Variants in KARS1 observed in about 807,000 individuals in gnomAD.
KARS1 encodes the protein lysyl-tRNA synthetase 1.
KARS1 carries 50 observed loss-of-function variants against 63.9 expected under a neutral mutation model. The ratio of observed to expected loss-of-function variants is 0.78; its 90% CI spans 0.62 to 0.99. The LOEUF is 0.99. KARS1 is among the 50% of genes least tolerant of loss of function. The pLI, the probability that KARS1 is intolerant of heterozygous loss-of-function variation, is 0.00. For synonymous variants in KARS1, 320 were observed against 264.6 expected (o/e 1.21, Z -2.03); for missense variants, 816 against 754.5 (o/e 1.08, Z -0.95).
At chr16:75,638,483 G>A (rs1056810468) in intron 3 of KARS1, among the ~76,000 whole-genome samples, 5 of 151,760 alleles carry the variant, frequency 3.3e-5, no homozygotes, top group East Asian at 1.9e-4. Flanking sequence ...AGTACGTGCC[G>A]TGAAAAGCAA....
chr16:75,644,276 C>T, intron 1 of KARS1: 4 of 1,593,072 alleles, frequency 2.5e-6, no homozygotes, highest in Non-Finnish European at 3.4e-6. Flanking sequence ...AGGTAATGGG[C>T]ACCAACCTTC....
chr16:75,630,610 C>CCTG, intron 10 of KARS1, 102 bp from the exon 11 acceptor site: 1 of 603,714 alleles, frequency 1.7e-6, no homozygotes, highest in South Asian at 1.9e-5. Context: ...TGGGTTTATC[C>CCTG]TATAGCTTTT....
intron 1 of KARS1, among the ~76,000 whole-genome samples, chr16:75,643,379 CTTTTT>C (rs764979861): frequency 7.1e-6 from 1 of 141,002 alleles, no homozygotes; most frequent in Admixed American, 7.1e-5. Context: ...AATCTTTCAC[CTTTTT>C]TTTTTTTTTT....
chr16:75,634,065 G>A (rs1216249730), intron 7 of KARS1, 108 bp downstream of exon 7: 1 of 1,221,130 alleles, frequency 8.2e-7, no homozygotes, highest in African/African-American at 1.5e-5. Context: ...ACACTTTCTT[G>A]GCTGCTTTAC....
intron 1 of KARS1, among the ~76,000 whole-genome samples, chr16:75,645,611 T>C (rs1041585723): frequency 6.6e-6 from 1 of 151,862 alleles, no homozygotes. Context: ...CTTTGTGGGG[T>C]TGAGGCGGAC....
At chr16:75,635,174 A>C (rs952593661) in intron 6 of KARS1, 1 of 176,528 alleles carries the variant, frequency 5.7e-6, no homozygotes, top group African/African-American at 2.4e-5. Flanking sequence ...CAAAAATAAA[A>C]CTCCTCCAAA....
In KARS1 at chr16:75,644,325, A is replaced by T. The variant is rs2082257029; in HGVS notation, c.63-2602T>A. On this transcript the variant is annotated intron_variant, in intron 1 of 13. Transcript: ENST00000302445. ...TGACTTGTCCTTGTGAGGCGCTGTG[A>T]AAGGAGCAAGTTGACCCAGTCGCAG... is the stretch of plus-strand genomic sequence containing the variant. 1 of 1,608,770 alleles carries T rather than the reference A, an allele frequency of 6.2e-7. No homozygotes were observed. Among genetic ancestry groups the T allele is most frequent in the Middle Eastern group, 1.7e-4 (1 of 6,058 alleles).
At position 75,633,893 on chromosome 16, in the gene KARS1, C is replaced by T. The variant is rs2289063; in HGVS notation, c.915+280G>A. 0.14 allele frequency: 55,554 copies of T among 397,978 alleles called. 9,165 individuals are homozygous for T. Among genetic ancestry groups the T allele is most frequent in the East Asian group, 0.73 (12,165 of 16,634 alleles). 24.7% of individuals were successfully genotyped at this position (397,978 alleles called of 1,614,324 possible). A position where few individuals can be genotyped will look rare whatever the true frequency, so the allele number is the denominator to read the frequency against. ...AAAGACTTAAATCAGATCTAATCCA[C>T]GTAAGACTTTATCTTAAAAGTTTTA... On this transcript the variant is annotated intron_variant, in intron 7 of 13. Transcript: ENST00000302445.
At position 75,631,111 on chromosome 16, in the gene KARS1, A is replaced by G. The variant is rs548817586; in HGVS notation, c.1338+57T>C. On this transcript the variant is annotated intron_variant, in intron 10 of 13. Transcript: ENST00000302445. ...CCAGTGGGGTTCATTTTCCCAGGGA[A>G]GAGGGAACCATTCAGCACCAGATGA... is the stretch of plus-strand genomic sequence containing the variant. 38 of 1,382,222 alleles carry G rather than the reference A, an allele frequency of 2.7e-5. 1 individual carries two copies. In the Admixed American group the frequency reaches 5.1e-4, roughly 18 times the overall value. 85.6% of individuals were successfully genotyped at this position (1,382,222 alleles called of 1,614,324 possible).
rs191517410 is a variant in KARS1 at position 75,628,406 on chromosome 16, T to C, written c.1695+163A>G. The stretch of plus-strand genomic sequence containing the variant: ...AGGAAAAAACCCAAATCCTTTAAGG[T>C]CAGAGGCTCTGGCCCTCCTGTGAGT... On this transcript the variant is annotated intron_variant, in intron 13 of 13. Transcript: ENST00000302445. Among the ~76,000 whole-genome samples, 17 of 152,288 alleles carry C rather than the reference T, an allele frequency of 1.1e-4. No individual in the cohort carries two copies. In the East Asian group the frequency reaches 3.1e-3, roughly 28 times the overall value.
intron 1 of KARS1, chr16:75,644,157 G>C: frequency 2.7e-6 from 2 of 730,900 alleles, no homozygotes; most frequent in South Asian, 1.9e-5. Flanking sequence ...TATTGGTTTT[G>C]GTATTAGGGC....
chr16:75,629,817 A>C lies in KARS1; in HGVS notation c.1425-276T>G, dbSNP rs369148654. Reference sequence around the variant, plus strand: ...TTCGCCATATTGGCCAGGTTGGTCTAACGATCAAACATCTAATACAATAAT... The same window carrying C: ...TTCGCCATATTGGCCAGGTTGGTCTCACGATCAAACATCTAATACAATAAT... On this transcript the variant is annotated intron_variant, in intron 11 of 13. Transcript: ENST00000302445. Among the ~76,000 whole-genome samples the C allele has an allele frequency of 4.6e-5, 7 of 152,296 alleles. No individual in the cohort carries two copies. The East Asian group carries it at 5.8e-4, about 13-fold the overall frequency.
At chr16:75,631,938 A>C (rs2082119824) in intron 7 of KARS1, 83 bp from the exon 8 acceptor site, 2 of 1,519,248 alleles carry the variant, frequency 1.3e-6, no homozygotes, top group Non-Finnish European at 1.8e-6. Context: ...CCTAGGCTGG[A>C]GTGCAATGGC....
rs376044061 is a variant in KARS1 at position 75,630,479 on chromosome 16, G to A, written c.1368C>T (p.Cys456=). 97 of 1,611,550 alleles carry A rather than the reference G, an allele frequency of 6.0e-5. No individual in the cohort carries two copies. The Middle Eastern group carries it at 8.2e-4, about 14-fold the overall frequency. Residue 456 remains cysteine (C), a synonymous_variant, in exon 11 of 14, where the codon TGC becomes TGT. Transcript: ENST00000302445. The stretch of plus-strand genomic sequence containing the variant: ...GATCACAGATGAATGTAGGATTGAT[G>A]CAAGTCACTTCCAGGAACTCCCCAA... ...KLVGEFLEVT[C]INPTFICDHP...
chr16:75,633,440 C>A (rs1377149480), intron 7 of KARS1, among the ~76,000 whole-genome samples: 1 of 151,494 alleles, frequency 6.6e-6, no homozygotes, highest in Non-Finnish European at 1.5e-5. Flanking sequence ...TTGTCTGCAA[C>A]TAAGAATCCT....
At chr16:75,644,350 G>C (rs768838545) in intron 1 of KARS1, 1 of 1,611,368 alleles carries the variant, frequency 6.2e-7, no homozygotes, top group African/African-American at 1.3e-5. Flanking sequence ...CCCAGTCGCA[G>C]TTCCCTGTGA....
At chr16:75,646,772 G>A (rs915529267) in intron 1 of KARS1, among the ~76,000 whole-genome samples, 4 of 151,678 alleles carry the variant, frequency 2.6e-5, no homozygotes, top group African/African-American at 9.7e-5. Flanking sequence ...TCAGTCTCCC[G>A]AGTAGCTGGG....
intron 3 of KARS1, among the ~76,000 whole-genome samples, chr16:75,637,459 T>C (rs917656729): frequency 1.3e-5 from 2 of 151,994 alleles, no homozygotes; most frequent in Non-Finnish European, 2.9e-5. Flanking sequence ...TCCGTTTCCA[T>C]ACAGGTGAGG....
Position 75,631,237 on chromosome 16 carries a change from A to T in KARS1, c.1269T>A (p.Leu423=), listed in dbSNP as rs1439975039. The part of the protein sequence containing the change: ...LFETEETRKI[L]DDICVAKAVE... ...CAGCTTTTGCCACACAGATATCATC[A>T]AGAATTTTGCGAGTTTCTGGGACAC... The change falls in exon 10 of 14, where the codon CTT becomes CTA. Residue 423 remains leucine (L), a synonymous_variant. Coordinates refer to ENST00000302445, the MANE Select transcript of KARS1 (RefSeq NM_005548.3). 2 of 1,614,004 alleles carry T rather than the reference A, an allele frequency of 1.2e-6. No homozygotes were observed. The highest frequency in any genetic ancestry group is 2.7e-5 in the African/African-American group (2 of 74,946).
Sources: gnomAD v4.1 joint callset for allele counts (sites outside exome capture counted in the v4.1 genomes callset) on GRCh38, gnomAD v4.1.1 for gene constraint, MANE v1.5 for transcripts, NCBI Gene and HGNC (gene_info 2026-07-23, HGNC 2026-07-21) for gene names.